The following CSF2RA variants were observed in gnomAD, a reference collection of about 807,000 sequenced individuals.
CSF2RA encodes granulocyte-macrophage colony-stimulating factor receptor subunit alpha.
Under a neutral mutation model 51.6 loss-of-function variants are expected in CSF2RA, and 42 were observed. The observed-to-expected ratio is 0.81, with a 90% confidence interval of 0.64 to 1.05. The LOEUF (loss-of-function observed/expected upper bound fraction) is 1.05. Among genes scored for constraint, CSF2RA ranks in the 50% least tolerant of loss-of-function variants. The pLI, the probability that CSF2RA is intolerant of heterozygous loss-of-function variation, is 0.00. For missense variants in CSF2RA, 530 were observed against 501.1 expected, an observed-to-expected ratio of 1.06 and a Z score of -0.55; for synonymous variants, 222 against 193.0, an observed-to-expected ratio of 1.15 and a Z score of -1.24.
the CSF2RA span, among the ~76,000 whole-genome samples, chrX:1,317,688 G>A: frequency 1.3e-5 from 2 of 151,106 alleles, no homozygotes; most frequent in Admixed American, 6.6e-5. Flanking sequence ...ACGCACAGAA[G>A]CCTTCAGAAT....
At chrX:1,287,496 T>G (rs1384408887) in intron 4 of CSF2RA, among the ~76,000 whole-genome samples, 3 of 148,398 alleles carry the variant, frequency 2.0e-5, no homozygotes, top group African/African-American at 5.0e-5. Flanking sequence ...CAGGCTGGAG[T>G]GCACTGGCGT....
At chrX:1,313,275 A>T (rs1274460324), downstream of CSF2RA, among the ~76,000 whole-genome samples, 2 of 151,918 alleles carry the variant, frequency 1.3e-5, no homozygotes, top group Non-Finnish European at 2.9e-5. Context: ...ATACAAAAAA[A>T]AAAATAAAAA....
chrX:1,308,181 G>A (rs1446084696), intron 12 of CSF2RA, among the ~76,000 whole-genome samples: 4 of 152,072 alleles, frequency 2.6e-5, no homozygotes, highest in Non-Finnish European at 4.4e-5. Context: ...AAGCCCCTTC[G>A]TAGCAGCCGC....
intron 3 of CSF2RA, among the ~76,000 whole-genome samples, chrX:1,283,288 TTC>T (rs367987757): frequency 1.7e-4 from 25 of 150,406 alleles, no homozygotes; most frequent in African/African-American, 5.9e-4. Context: ...GATTCATTTC[TTC>T]TCTTTCTTTC....
downstream of CSF2RA, among the ~76,000 whole-genome samples, chrX:1,314,286 GCA>G (rs2084336056): frequency 3.7e-5 from 4 of 108,624 alleles, no homozygotes; most frequent in African/African-American, 1.2e-4. Flanking sequence ...CAACCCCACT[GCA>G]TCTGCCCAAC....
downstream of CSF2RA, among the ~76,000 whole-genome samples, chrX:1,312,095 G>T (rs111737268): frequency 6.6e-6 from 1 of 152,178 alleles, no homozygotes; most frequent in Admixed American, 6.6e-5. Flanking sequence ...TAGCTGGGAT[G>T]ACAGGCACCT....
downstream of CSF2RA, among the ~76,000 whole-genome samples, chrX:1,314,851 C>CCACTGCACCTGCTCAACCG (rs2084463317): frequency 1.2e-5 from 1 of 84,384 alleles, no homozygotes; most frequent in African/African-American, 5.2e-5. Flanking sequence ...CTGCCCAATC[C>CCACTGCACCTGCTCAACCG]CACTGCACCT....
chrX:1,315,130 G>C (rs1344266511), downstream of CSF2RA, among the ~76,000 whole-genome samples: 10 of 151,902 alleles, frequency 6.6e-5, no homozygotes, highest in African/African-American at 1.7e-4. Flanking sequence ...GTGGGGGGGA[G>C]GGTCATCGGT....
intron 11 of CSF2RA, among the ~76,000 whole-genome samples, 163 bp from the exon 12 acceptor site, chrX:1,305,283 G>A (rs780703144): frequency 2.0e-5 from 3 of 152,268 alleles, no homozygotes; most frequent in Non-Finnish European, 4.4e-5. Context: ...CACTGCACCC[G>A]GCCTAGTTCC....
the CSF2RA span, among the ~76,000 whole-genome samples, chrX:1,323,910 A>C: frequency 8.6e-5 from 13 of 151,814 alleles, no homozygotes. Flanking sequence ...GCTACTCGGG[A>C]GGCTGAGGCA....
chrX:1,316,019 G>C, the CSF2RA span, among the ~76,000 whole-genome samples: 28,074 of 123,768 alleles, frequency 0.23, 3,489 homozygotes, highest in East Asian at 0.7. Flanking sequence ...TAGATATATA[G>C]ATAGATACAT....
At chrX:1,299,642 G>A (rs2092239042) in intron 9 of CSF2RA, among the ~76,000 whole-genome samples, 1 of 152,168 alleles carries the variant, frequency 6.6e-6, no homozygotes, top group South Asian at 2.1e-4. Flanking sequence ...TTTTAGCCAG[G>A]CACGGTGGCT....
chrX:1,309,489 G>T lies in CSF2RA; in HGVS notation c.*10G>T. ...GAAGGAAATTACCTGAGACCCAGAG[G>T]GTGTAGGAATGGCATGGACATCTCC... is the stretch of plus-strand genomic sequence containing the variant. On this transcript the variant is annotated 3_prime_UTR_variant, in exon 13 of 13. Coordinates refer to ENST00000381529, the MANE Select transcript of CSF2RA (RefSeq NM_172245.4). 12 of 1,613,990 alleles carry T rather than the reference G, an allele frequency of 7.4e-6. No individual in the cohort carries two copies. The highest frequency in any genetic ancestry group is 1.1e-5 in the South Asian group (1 of 91,084).
At chrX:1,269,678 G>A (rs1224969647) in intron 1 of CSF2RA, among the ~76,000 whole-genome samples, 1 of 151,796 alleles carries the variant, frequency 6.6e-6, no homozygotes, top group Non-Finnish European at 1.5e-5. Flanking sequence ...AGAGCTGAAA[G>A]GGGGAGGGAG....
At chrX:1,319,720 T>G in the CSF2RA span, among the ~76,000 whole-genome samples, 1 of 147,676 alleles carries the variant, frequency 6.8e-6, no homozygotes, top group South Asian at 2.3e-4. Flanking sequence ...TGCTGTTTTT[T>G]TTTTTTTTTT....
chrX:1,280,426 G>A (rs2089747044), intron 2 of CSF2RA, among the ~76,000 whole-genome samples: 1 of 146,098 alleles, frequency 6.8e-6, no homozygotes, highest in Admixed American at 7.1e-5. Flanking sequence ...AGCCAAGATT[G>A]CACCACTGCA....
chrX:1,324,334 A>AAAGG, the CSF2RA span, among the ~76,000 whole-genome samples: 9 of 150,436 alleles, frequency 6.0e-5, no homozygotes, highest in Admixed American at 1.4e-4. Flanking sequence ...TCTCTAAGAA[A>AAAGG]AAGGAAGGAA....
the CSF2RA span, among the ~76,000 whole-genome samples, chrX:1,321,791 T>A: frequency 6.6e-6 from 1 of 152,092 alleles, no homozygotes; most frequent in African/African-American, 2.4e-5. Context: ...CAACTCAGAT[T>A]TTTTTGCCAC....
chrX:1,274,810 T>C lies in CSF2RA; in HGVS notation c.-35T>C, dbSNP rs766708561. The stretch of plus-strand genomic sequence containing the variant: ...GATCCGAGAAGCGGCGATGTTTGCG[T>C]AGAACCCTGTACGTGCTTCCTTCGG... On this transcript the variant is annotated 5_prime_UTR_variant, in exon 2 of 13. An upstream open reading frame in the 5' UTR loses its in-frame stop. Coordinates refer to ENST00000381529, the MANE Select transcript of CSF2RA (RefSeq NM_172245.4). 171 of 453,566 alleles carry C rather than the reference T, an allele frequency of 3.8e-4. 4 individuals are homozygous for C. Among genetic ancestry groups the C allele is most frequent in the South Asian group, 2.6e-3 (168 of 64,452 alleles). The allele number at this position is 453,566 out of a possible 1,614,324, so 28.1% of individuals were successfully genotyped here. A position where few individuals can be genotyped will look rare whatever the true frequency, so the allele number is the denominator to read the frequency against.
Sources: allele counts gnomAD v4.1 joint callset (sites outside exome capture counted in the v4.1 genomes callset), GRCh38; gene constraint gnomAD v4.1.1; transcripts MANE v1.5; gene names NCBI Gene and HGNC (gene_info 2026-07-23, HGNC 2026-07-21).